Variants in CACNA2D3 observed in about 807,000 individuals in gnomAD.
The protein encoded by CACNA2D3 is voltage-dependent calcium channel subunit alpha-2/delta-3.
CACNA2D3 carries 60 observed loss-of-function variants against 160.6 expected under a neutral mutation model. That is an observed-to-expected ratio of 0.37 (90% CI 0.30 to 0.46). The LOEUF (loss-of-function observed/expected upper bound fraction) is 0.46, where lower values mean the gene tolerates loss of function less well. CACNA2D3 is among the 20% of genes least tolerant of loss of function. CACNA2D3 has a pLI of 1.00. For missense variants in CACNA2D3, 1,205 were observed against 1,365.0 expected (o/e 0.88, Z 1.85); for synonymous variants, 558 against 492.9 (o/e 1.13, Z -1.75).
chr3:54,633,754 G>C (rs1199107520), intron 10 of CACNA2D3: 1 of 152,196 alleles, frequency 6.6e-6, no homozygotes, highest in African/African-American at 2.4e-5. Flanking sequence ...TAAGGATTAA[G>C]TAAATTCGTA....
chr3:55,054,160 T>G (rs1704304645), intron 35 of CACNA2D3, among the ~76,000 whole-genome samples: 1 of 151,908 alleles, frequency 6.6e-6, no homozygotes, highest in African/African-American at 2.4e-5. Flanking sequence ...TGTACTTACC[T>G]TAGGATAATA....
intron 4 of CACNA2D3, among the ~76,000 whole-genome samples, chr3:54,481,309 G>T (rs549059441): frequency 2.1e-4 from 32 of 152,328 alleles, no homozygotes; most frequent in African/African-American, 6.0e-4. Flanking sequence ...CACAGCCAAA[G>T]TGGAGTTGTG....
chr3:54,626,597 G>T, intron 9 of CACNA2D3: 2 of 1,503,606 alleles, frequency 1.3e-6, no homozygotes, highest in Non-Finnish European at 9.1e-7. Context: ...ATAAAGCACG[G>T]CGGGCCCGGC....
intron 3 of CACNA2D3, among the ~76,000 whole-genome samples, chr3:54,346,726 C>G (rs887202574): frequency 3.9e-5 from 6 of 152,106 alleles, no homozygotes; most frequent in Admixed American, 1.3e-4. Flanking sequence ...AGGGCTCACT[C>G]TTTGTGTTGT....
chr3:54,702,780 G>A (rs778723578), intron 11 of CACNA2D3, among the ~76,000 whole-genome samples: 1 of 152,068 alleles, frequency 6.6e-6, no homozygotes, highest in Non-Finnish European at 1.5e-5. Context: ...AAAGACACAT[G>A]CTTTCATGAG....
At chr3:54,292,459 A>G (rs1436972686) in intron 2 of CACNA2D3, among the ~76,000 whole-genome samples, 1 of 152,218 alleles carries the variant, frequency 6.6e-6, no homozygotes, top group Admixed American at 6.5e-5. Flanking sequence ...GAATATACCA[A>G]AAACCCTTAC....
intron 34 of CACNA2D3, among the ~76,000 whole-genome samples, chr3:55,014,747 C>G: frequency 6.6e-6 from 1 of 152,056 alleles, no homozygotes; most frequent in Middle Eastern, 3.2e-3. Context: ...GCAACAACAA[C>G]AACAAAAACA....
At chr3:54,904,072 C>T (rs1700400958) in intron 27 of CACNA2D3, among the ~76,000 whole-genome samples, 1 of 152,144 alleles carries the variant, frequency 6.6e-6, no homozygotes, top group Non-Finnish European at 1.5e-5. Flanking sequence ...GATCCAGGTG[C>T]CCACATCTGG....
At chr3:54,369,594 C>T (rs1575418874) in intron 3 of CACNA2D3, among the ~76,000 whole-genome samples, 1 of 152,164 alleles carries the variant, frequency 6.6e-6, no homozygotes, top group South Asian at 2.1e-4. Flanking sequence ...AGGCTGGTCC[C>T]AGCTCTCCTC....
At chr3:54,450,358 A>C (rs773193416) in intron 4 of CACNA2D3, among the ~76,000 whole-genome samples, 7 of 152,178 alleles carry the variant, frequency 4.6e-5, no homozygotes, top group Non-Finnish European at 8.8e-5. Context: ...AAACACATTC[A>C]ATCCCAACAT....
At chr3:54,948,617 C>T (rs1007810275) in intron 27 of CACNA2D3, among the ~76,000 whole-genome samples, 1 of 152,208 alleles carries the variant, frequency 6.6e-6, no homozygotes, top group African/African-American at 2.4e-5. Flanking sequence ...GATGAGACTC[C>T]TTGGAAGGAA....
chr3:54,842,494 G>A (rs1268014311), intron 16 of CACNA2D3, among the ~76,000 whole-genome samples: 1 of 152,210 alleles, frequency 6.6e-6, no homozygotes, highest in African/African-American at 2.4e-5. Context: ...TCAAAGGTAA[G>A]TGAGGTGGCC....
At chr3:54,881,450 C>T (rs1699793811) in intron 21 of CACNA2D3, among the ~76,000 whole-genome samples, 1 of 152,196 alleles carries the variant, frequency 6.6e-6, no homozygotes, top group Non-Finnish European at 1.5e-5. Flanking sequence ...TCATAAAGCA[C>T]AGAGGCACAG....
At chr3:54,882,427 A>C (rs9872992) in intron 21 of CACNA2D3, among the ~76,000 whole-genome samples, 3,488 of 152,266 alleles carry the variant, frequency 0.023, 124 homozygotes, top group African/African-American at 0.08. Flanking sequence ...AGACACAGAT[A>C]CACACAGTTG....
chr3:54,888,170 TC>T, intron 24 of CACNA2D3, 118 bp downstream of exon 24: 1 of 787,496 alleles, frequency 1.3e-6, no homozygotes. Flanking sequence ...TCTTTAATTT[TC>T]CCCCAAGCTC....
intron 35 of CACNA2D3, among the ~76,000 whole-genome samples, chr3:55,055,298 A>G (rs1349169056): frequency 6.6e-6 from 1 of 152,108 alleles, no homozygotes; most frequent in African/African-American, 2.4e-5. Flanking sequence ...GTCCCACACC[A>G]TGTGTTGAAG....
intron 5 of CACNA2D3, among the ~76,000 whole-genome samples, chr3:54,506,844 C>A (rs1053772490): frequency 6.6e-6 from 1 of 152,176 alleles, no homozygotes; most frequent in African/African-American, 2.4e-5. Context: ...TCCATATCCT[C>A]TATGAGTAAA....
intron 13 of CACNA2D3, among the ~76,000 whole-genome samples, chr3:54,787,141 A>G (rs1702657070): frequency 6.6e-6 from 1 of 152,190 alleles, no homozygotes; most frequent in African/African-American, 2.4e-5. Context: ...CAGTACTCAT[A>G]ACGCGTTTAA....
intron 4 of CACNA2D3, among the ~76,000 whole-genome samples, chr3:54,451,581 A>G (rs1015226974): frequency 3.2e-4 from 48 of 152,086 alleles, no homozygotes; most frequent in African/African-American, 1.1e-3. Flanking sequence ...TAATCTCTCC[A>G]TAGGAAGTGT....
Sources: allele counts gnomAD v4.1 joint callset (sites outside exome capture counted in the v4.1 genomes callset), GRCh38; gene constraint gnomAD v4.1.1; transcripts MANE v1.5; gene names NCBI Gene and HGNC (gene_info 2026-07-23, HGNC 2026-07-21).